Variants in UTRN observed in about 807,000 individuals in gnomAD.
UTRN encodes dystrophin-related protein 1.
In UTRN, 283 loss-of-function variants were observed where a neutral mutation model predicts 463.9. The observed-to-expected ratio is 0.61, with a 90% confidence interval of 0.55 to 0.67. UTRN has a LOEUF of 0.67. Ranked by LOEUF, UTRN falls within the 30% of genes least tolerant of loss-of-function variation. The probability of loss-of-function intolerance (pLI) is 0.00; values close to 1 mark genes in which losing one functional copy is unlikely to be tolerated. For missense variants in UTRN, 3,922 were observed against 4,084.3 expected (o/e 0.96, Z 1.08); for synonymous variants, 1,442 against 1,431.5 (o/e 1.01, Z -0.17).
At chr6:144,672,238 GTTC>G (rs1397124451) in intron 51 of UTRN, among the ~76,000 whole-genome samples, 3 of 151,272 alleles carry the variant, frequency 2.0e-5, no homozygotes, top group East Asian at 1.9e-4. Flanking sequence ...ATTGGTACCA[GTTC>G]TTCTTTGAAT....
chr6:144,553,955 C>T (rs915870063), intron 48 of UTRN, among the ~76,000 whole-genome samples: 11 of 150,354 alleles, frequency 7.3e-5, no homozygotes, highest in African/African-American at 2.4e-4. Context: ...ATCTGTCTGT[C>T]CTTAAAACCT....
chr6:144,452,123 CA>C (rs1788385445), intron 18 of UTRN, among the ~76,000 whole-genome samples: 1 of 152,118 alleles, frequency 6.6e-6, no homozygotes, highest in African/African-American at 2.4e-5. Flanking sequence ...AGCAAAAAAT[CA>C]ACTTGTAAAA....
At chr6:144,519,237 A>G (rs1028402105) in intron 39 of UTRN, among the ~76,000 whole-genome samples, 3 of 152,178 alleles carry the variant, frequency 2.0e-5, no homozygotes, top group Non-Finnish European at 4.4e-5. Context: ...TCTTTAAGAT[A>G]TAACCATTTA....
At chr6:144,604,543 T>G (rs1488097899) in intron 51 of UTRN, among the ~76,000 whole-genome samples, 1 of 152,186 alleles carries the variant, frequency 6.6e-6, no homozygotes, top group Non-Finnish European at 1.5e-5. Flanking sequence ...GAAGTTGTCT[T>G]TTTCTGTCAT....
At chr6:144,647,645 G>A (rs73778363) in intron 51 of UTRN, among the ~76,000 whole-genome samples, 4,777 of 152,322 alleles carry the variant, frequency 0.031, 286 homozygotes, top group African/African-American at 0.11. Context: ...CTTGCTAAAA[G>A]TCCTGTTACA....
At chr6:144,583,254 C>A (rs1802152894) in intron 51 of UTRN, 3 of 389,488 alleles carry the variant, frequency 7.7e-6, no homozygotes, top group Non-Finnish European at 1.4e-5. Context: ...CAAGTGCTGC[C>A]TGTGAGCATC....
At chr6:144,580,500 T>C (rs1801871019) in intron 51 of UTRN, among the ~76,000 whole-genome samples, 1 of 152,146 alleles carries the variant, frequency 6.6e-6, no homozygotes, top group Non-Finnish European at 1.5e-5. Context: ...ATGATTAACT[T>C]TTGGGAGTAT....
chr6:144,346,906 C>CT lies in UTRN; in HGVS notation c.79+54999_79+55000insT, dbSNP rs1554221283. 9.1e-3 allele frequency among the ~76,000 whole-genome samples: 1,286 copies of CT among 141,064 alleles called. 22 individuals are homozygous for CT. Among genetic ancestry groups the CT allele is most frequent in the African/African-American group, 0.037 (1,172 of 31,994 alleles). 92.5% of individuals were successfully genotyped at this position (141,064 alleles called of 152,430 possible). ...TCTATCTATCTATCTATCTATCTAT[C>CT]ATCTATCTATCTATCGATCTCTATC... is the stretch of plus-strand genomic sequence containing the variant. On this transcript the variant is annotated intron_variant, in intron 2 of 74. Transcript: ENST00000367545.
intron 65 of UTRN, among the ~76,000 whole-genome samples, chr6:144,818,860 GT>G (rs1242802298): frequency 6.7e-6 from 1 of 148,524 alleles, no homozygotes; most frequent in Non-Finnish European, 1.5e-5. Context: ...TTCTCTAAAA[GT>G]TTCCTTATTT....
chr6:144,845,040 A>G (rs955732259), intron 73 of UTRN, among the ~76,000 whole-genome samples: 1 of 152,258 alleles, frequency 6.6e-6, no homozygotes, highest in Non-Finnish European at 1.5e-5. Flanking sequence ...GTGTCTACAC[A>G]TTGTTGCACA....
intron 15 of UTRN, 123 bp downstream of exon 15, chr6:144,447,441 C>A: frequency 1.6e-6 from 2 of 1,254,212 alleles, no homozygotes; most frequent in Non-Finnish European, 2.2e-6. Flanking sequence ...TAGACTGCTG[C>A]CCTGTAACAA....
chr6:144,579,598 CAG>C (rs1270745502), intron 51 of UTRN, among the ~76,000 whole-genome samples: 2 of 152,090 alleles, frequency 1.3e-5, no homozygotes, highest in Non-Finnish European at 2.9e-5. Context: ...AATATTCAAA[CAG>C]TGGAAGACAA....
chr6:144,422,032 G>C, intron 4 of UTRN, 62 bp downstream of exon 4: 1 of 1,367,140 alleles, frequency 7.3e-7, no homozygotes, highest in Non-Finnish European at 1.0e-6. Context: ...TGATGACCCA[G>C]TGTGGGTACC....
chr6:144,389,070 G>A (rs1261760336), intron 2 of UTRN, among the ~76,000 whole-genome samples: 4 of 152,166 alleles, frequency 2.6e-5, no homozygotes, highest in Admixed American at 6.5e-5. Context: ...GGTGGTCAGA[G>A]CACAGTTTGG....
chr6:144,451,281 C>T, intron 17 of UTRN, 89 bp from the exon 18 acceptor site: 2 of 1,466,432 alleles, frequency 1.4e-6, no homozygotes, highest in South Asian at 1.4e-5. Context: ...AAGACATATT[C>T]CTGATGAGCA....
At chr6:144,808,540 T>C (rs953723479) in intron 65 of UTRN, among the ~76,000 whole-genome samples, 4 of 152,136 alleles carry the variant, frequency 2.6e-5, no homozygotes, top group Non-Finnish European at 4.4e-5. Context: ...GTTTTGTTTT[T>C]TGAGATGAGA....
intron 2 of UTRN, among the ~76,000 whole-genome samples, chr6:144,352,597 T>C (rs1778206998): frequency 6.6e-6 from 1 of 152,212 alleles, no homozygotes; most frequent in Admixed American, 6.5e-5. Flanking sequence ...ATGATGAAAA[T>C]TTATTTGGTG....
At chr6:144,630,186 T>A (rs1477318376) in intron 51 of UTRN, among the ~76,000 whole-genome samples, 1 of 151,998 alleles carries the variant, frequency 6.6e-6, no homozygotes, top group Non-Finnish European at 1.5e-5. Flanking sequence ...AGACTCCATC[T>A]CAAAAAATAA....
rs5880615 is a variant in UTRN at position 144,811,739 on chromosome 6, T to TAAA, written c.9357+8602_9357+8604dup. Among the ~76,000 whole-genome samples the TAAA allele has an allele frequency of 1.7e-3, 255 of 147,978 alleles. 4 individuals are homozygous for TAAA. In the East Asian group the frequency reaches 0.039, roughly 23 times the overall value. The stretch of plus-strand genomic sequence containing the variant: ...AAAAACTGAGAGGTTGTTTTATAGT[T>TAAA]AAAAAAAAAAAACCTGTTAAGAATA... On this transcript the variant is annotated intron_variant, in intron 65 of 74. Transcript: ENST00000367545.
Sources: allele counts gnomAD v4.1 joint callset (sites outside exome capture counted in the v4.1 genomes callset), GRCh38; gene constraint gnomAD v4.1.1; transcripts MANE v1.5; gene names NCBI Gene and HGNC (gene_info 2026-07-23, HGNC 2026-07-21).